Variants in CASZ1 observed in about 807,000 individuals in gnomAD.
CASZ1 encodes castor zinc finger 1, also known as zinc finger protein castor homolog 1.
A neutral mutation model predicts 135.2 loss-of-function variants in CASZ1; 28 were observed. That is an observed-to-expected ratio of 0.21 (90% CI 0.15 to 0.28). CASZ1 has a LOEUF of 0.28. Ranked by LOEUF, CASZ1 falls within the 10% of genes least tolerant of loss-of-function variation. CASZ1 has a pLI of 1.00. For missense variants in CASZ1, 2,161 were observed against 2,453.3 expected (o/e 0.88, Z 2.52); for synonymous variants, 1,068 against 1,073.4 (o/e 0.99, Z 0.10).
At chr1:10,715,255 G>T (rs1639355977) in intron 2 of CASZ1, among the ~76,000 whole-genome samples, 1 of 152,136 alleles carries the variant, frequency 6.6e-6, no homozygotes, top group Non-Finnish European at 1.5e-5. Context: ...CATGTTTGGG[G>T]ACAACTATGT....
At chr1:10,696,229 T>G (rs1013212224) in intron 3 of CASZ1, among the ~76,000 whole-genome samples, 1 of 152,104 alleles carries the variant, frequency 6.6e-6, no homozygotes, top group African/African-American at 2.4e-5. Context: ...CCTCCCCTAC[T>G]CCACTGCCCT....
intron 4 of CASZ1, among the ~76,000 whole-genome samples, chr1:10,685,166 A>G (rs1386140223): frequency 6.6e-6 from 1 of 152,248 alleles, no homozygotes; most frequent in Non-Finnish European, 1.5e-5. Context: ...GCAATTACCA[A>G]GGCATCTGGC....
Position 10,788,367 on chromosome 1 carries a change from T to C in CASZ1, c.-234+8197A>G, listed in dbSNP as rs910910175. Reference sequence around the variant, plus strand: ...TGGGAGTAGTGGTGGGGACCGATCTTGCCTCCTCCCTCCTGCCCCCCTGCC... The same window carrying C: ...TGGGAGTAGTGGTGGGGACCGATCTCGCCTCCTCCCTCCTGCCCCCCTGCC... On this transcript the variant is annotated intron_variant, in intron 1 of 20. Transcript: ENST00000377022. The surrounding 1 kb of genome is among the most constrained non-coding windows in gnomAD (Gnocchi z 4.1). Among the ~76,000 whole-genome samples, 1 of 152,168 alleles carries C rather than the reference T, an allele frequency of 6.6e-6. No individual in the cohort carries two copies. Among genetic ancestry groups the C allele is most frequent in the African/African-American group, 2.4e-5 (1 of 41,438 alleles).
At chr1:10,684,044 G>GT (rs1557503606) in intron 4 of CASZ1, among the ~76,000 whole-genome samples, 1 of 152,230 alleles carries the variant, frequency 6.6e-6, no homozygotes, top group African/African-American at 2.4e-5. Flanking sequence ...AAACCCAGCA[G>GT]TATCTCCGGG....
At chr1:10,793,333 G>A (rs890882473) in intron 1 of CASZ1, among the ~76,000 whole-genome samples, 4 of 152,108 alleles carry the variant, frequency 2.6e-5, no homozygotes, top group Non-Finnish European at 5.9e-5. Flanking sequence ...GCCATAATAA[G>A]CTGTACTTGC....
In CASZ1 at chr1:10,774,338, C is replaced by T. The variant is rs938625658; in HGVS notation, c.-233-13481G>A. On this transcript the variant is annotated intron_variant, in intron 1 of 20. Transcript: ENST00000377022. This position sits in a 1 kb window ranked among gnomAD's most constrained non-coding sequence, Gnocchi z 4.4. ...TCTCAACTCTGACTGCTTTCGGCAG[C>T]ACACTGTCAAATCTGCCCTGGCCTT... 1.3e-5 allele frequency among the ~76,000 whole-genome samples: 2 copies of T among 152,194 alleles called. No individual in the cohort carries two copies. The highest frequency in any genetic ancestry group is 2.9e-5 in the Non-Finnish European group (2 of 68,034).
At chr1:10,650,651 C>G in intron 13 of CASZ1, 41 bp downstream of exon 13, 1 of 1,538,064 alleles carries the variant, frequency 6.5e-7, no homozygotes, top group Non-Finnish European at 9.0e-7. Context: ...TTTAATTTCT[C>G]TGGGTGGGGG....
chr1:10,796,409 C>G (rs1309038768), intron 1 of CASZ1, among the ~76,000 whole-genome samples, 155 bp downstream of exon 1: 2 of 152,018 alleles, frequency 1.3e-5, no homozygotes, highest in African/African-American at 4.8e-5. Context: ...CTGGCTCGCT[C>G]GCTCGCTCGC....
chr1:10,663,249 G>C (rs1402378041), intron 5 of CASZ1, among the ~76,000 whole-genome samples: 2 of 152,320 alleles, frequency 1.3e-5, no homozygotes, highest in East Asian at 3.9e-4. Context: ...GGGTCTAGAG[G>C]GGCAGGACTG....
rs986558435 is a variant in CASZ1 at position 10,697,150 on chromosome 1, G to T, written c.-23-3238C>A. Reference sequence around the variant, plus strand: ...AGAAACAGGCCAACTCGGAGCGCAAGGATTTATGAAGGTCAGAGAAGGCGG... The same window carrying T: ...AGAAACAGGCCAACTCGGAGCGCAATGATTTATGAAGGTCAGAGAAGGCGG... On this transcript the variant is annotated intron_variant, in intron 3 of 20. Transcript: ENST00000377022. The surrounding 1 kb of genome is among the most constrained non-coding windows in gnomAD (Gnocchi z 4.7). Among the ~76,000 whole-genome samples the T allele has an allele frequency of 5.3e-5, 8 of 152,246 alleles. No homozygotes were observed. The highest frequency in any genetic ancestry group is 1.4e-4 in the African/African-American group (6 of 41,456).
rs567801009 is a variant in CASZ1, at chr1:10,700,926, G to T, written c.-24+4566C>A. Reference sequence around the variant, plus strand: ...TATATGAATGATATCTCAATAAAGCGGTTATTAAAAAGTGGGGGAAAGACG... The same window carrying T: ...TATATGAATGATATCTCAATAAAGCTGTTATTAAAAAGTGGGGGAAAGACG... On this transcript the variant is annotated intron_variant, in intron 3 of 20. Coordinates refer to ENST00000377022, the MANE Select transcript of CASZ1 (RefSeq NM_001079843.3). The surrounding 1 kb of genome is among the most constrained non-coding windows in gnomAD (Gnocchi z 4.2). Among the ~76,000 whole-genome samples, 1 of 152,096 alleles carries T rather than the reference G, an allele frequency of 6.6e-6. No individual in the cohort carries two copies. Among genetic ancestry groups the T allele is most frequent in the Admixed American group, 6.5e-5 (1 of 15,278 alleles).
At chr1:10,645,313 G>A (rs1229981749) in intron 17 of CASZ1, among the ~76,000 whole-genome samples, 6 of 152,196 alleles carry the variant, frequency 3.9e-5, no homozygotes, top group South Asian at 2.1e-4. Flanking sequence ...GGCGGATCAC[G>A]AGATCAGGAG....
chr1:10,722,340 G>A (rs930456564), intron 2 of CASZ1, among the ~76,000 whole-genome samples: 1 of 152,238 alleles, frequency 6.6e-6, no homozygotes, highest in African/African-American at 2.4e-5. Flanking sequence ...GGATGAGAAG[G>A]TTCTGGTGCC....
intron 2 of CASZ1, among the ~76,000 whole-genome samples, chr1:10,723,211 A>G (rs537174216): frequency 6.6e-5 from 10 of 152,244 alleles, no homozygotes; most frequent in Admixed American, 6.5e-4. Flanking sequence ...GGGGGACAAG[A>G]GGAAGGGTTT....
At position 10,777,870 on chromosome 1, in the gene CASZ1, A is replaced by G. The variant is rs1454674265; in HGVS notation, c.-233-17013T>C. ...ACACTCTCATATACAATGACTCACG[A>G]TCTCACACAATCACACAATTTCACA... On this transcript the variant is annotated intron_variant, in intron 1 of 20. Transcript: ENST00000377022. This position sits in a 1 kb window ranked among gnomAD's most constrained non-coding sequence, Gnocchi z 4.4. Among the ~76,000 whole-genome samples the G allele has an allele frequency of 1.3e-5, 2 of 151,542 alleles. No individual in the cohort carries two copies. The highest frequency in any genetic ancestry group is 2.9e-5 in the Non-Finnish European group (2 of 67,866).
chr1:10,652,007 G>A (rs1307227768), intron 11 of CASZ1: 1 of 152,300 alleles, frequency 6.6e-6, no homozygotes, highest in Non-Finnish European at 1.5e-5. Context: ...CCCCACCCAT[G>A]CCTGGACCAG....
In CASZ1 at chr1:10,647,789, C is replaced by T. The variant is rs760279477; in HGVS notation, c.3497+12G>A. 105 of 1,613,018 alleles carry T rather than the reference C, an allele frequency of 6.5e-5. No homozygotes were observed. Among genetic ancestry groups the T allele is most frequent in the Non-Finnish European group, 8.0e-5 (94 of 1,180,018 alleles). On this transcript the variant is annotated intron_variant, in intron 16 of 20. Transcript: ENST00000377022. This position sits in a 1 kb window ranked among gnomAD's most constrained non-coding sequence, Gnocchi z 4.9. ...GGGGAACGCGGGACTCCCGGCTCATCGAGGGACTCACTTCTCCTGGAACTG... is the reference window on the plus strand; with the variant it reads ...GGGGAACGCGGGACTCCCGGCTCATTGAGGGACTCACTTCTCCTGGAACTG...
At chr1:10,695,046 C>T (rs1638899018) in intron 3 of CASZ1, among the ~76,000 whole-genome samples, 1 of 150,620 alleles carries the variant, frequency 6.6e-6, no homozygotes, top group Non-Finnish European at 1.5e-5. Context: ...GGGCCGCGCC[C>T]GCCAGGCCGC....
chr1:10,708,783 GGA>G (rs2100451506), intron 2 of CASZ1, among the ~76,000 whole-genome samples: 1 of 152,110 alleles, frequency 6.6e-6, no homozygotes, highest in East Asian at 1.9e-4. Flanking sequence ...GAGGAGGAGA[GGA>G]GAGAGTGAAA....
Sources: allele counts gnomAD v4.1 joint callset (sites outside exome capture counted in the v4.1 genomes callset), GRCh38; gene constraint gnomAD v4.1.1; non-coding constraint Gnocchi (gnomAD v3.1); transcripts MANE v1.5; gene names NCBI Gene and HGNC (gene_info 2026-07-23, HGNC 2026-07-21).